The following ZFP1 variants were observed in gnomAD, a reference collection of about 807,000 sequenced individuals.
ZFP1 encodes ZFP1 zinc finger protein.
Under a neutral mutation model 38.5 loss-of-function variants are expected in ZFP1, and 32 were observed. The observed-to-expected ratio is 0.83, with a 90% confidence interval of 0.63 to 1.12. ZFP1 has a LOEUF of 1.12. ZFP1 is among the 50% of genes most tolerant of loss of function. The pLI is 0.00. For missense variants in ZFP1, 616 were observed against 480.8 expected, an observed-to-expected ratio of 1.28 and a Z score of -2.63; for synonymous variants, 245 against 168.8, an observed-to-expected ratio of 1.45 and a Z score of -3.50.
intron 2 of ZFP1, among the ~76,000 whole-genome samples, chr16:75,162,484 C>T (rs943144535): frequency 2.1e-4 from 32 of 152,066 alleles, no homozygotes; most frequent in African/African-American, 7.2e-4. Flanking sequence ...AACATTTTGA[C>T]GTTTCCATGT....
At chr16:75,123,455 G>GTATGTGTA in the ZFP1 span, among the ~76,000 whole-genome samples, 2 of 87,290 alleles carry the variant, frequency 2.3e-5, no homozygotes, top group Non-Finnish European at 4.3e-5. Context: ...GTGTGTATAT[G>GTATGTGTA]TATATATATA....
At position 75,169,505 on chromosome 16, in the gene ZFP1, A is replaced by G; in HGVS notation, c.395A>G (p.Asp132Gly). Reference protein sequence around the residue: ...SNRSYAGKQTDECNEFGKALL... With the variant: ...SNRSYAGKQTGECNEFGKALL... ...AGAAGCTATGCAGGAAAGCAGACTG[A>G]TGAGTGTAATGAATTTGGAAAAGCA... The change falls in exon 4 of 4, where the codon GAT (aspartate) becomes GGT (glycine). Residue 132 changes from aspartate to glycine, a missense_variant. Transcript: ENST00000570010. The G allele has an allele frequency of 6.2e-7, 1 of 1,613,260 alleles. No individual in the cohort carries two copies. The highest frequency in any genetic ancestry group is 1.7e-4 in the Middle Eastern group (1 of 6,054).
chr16:75,152,921 A>G lies in ZFP1; in HGVS notation c.-31A>G, dbSNP rs907020869. ...TCCTCTATTCCAGTTCTGCCTTCAT[A>G]GTTCTCTGCCTTTGCCCAAAACTGC... On this transcript the variant is annotated 5_prime_UTR_variant, in exon 2 of 4. The change creates a new upstream start codon in the 5' untranslated region. Coordinates refer to ENST00000570010, the MANE Select transcript of ZFP1 (RefSeq NM_153688.4). 7 of 1,613,264 alleles carry G rather than the reference A, an allele frequency of 4.3e-6. No individual in the cohort carries two copies. The African/African-American group carries it at 6.7e-5, about 15-fold the overall frequency.
the ZFP1 span, among the ~76,000 whole-genome samples, chr16:75,134,478 T>C: frequency 1.3e-5 from 2 of 151,662 alleles, no homozygotes; most frequent in African/African-American, 2.4e-5. Context: ...AGGCCTGGGC[T>C]GGGCGCGGTG....
At chr16:75,129,120 G>C in the ZFP1 span, among the ~76,000 whole-genome samples, 1 of 152,134 alleles carries the variant, frequency 6.6e-6, no homozygotes, top group African/African-American at 2.4e-5. Flanking sequence ...ACTGATGTAT[G>C]GACTTCGGAG....
chr16:75,168,095 G>T (rs1272141444), intron 3 of ZFP1, among the ~76,000 whole-genome samples: 2 of 152,002 alleles, frequency 1.3e-5, no homozygotes, highest in Non-Finnish European at 2.9e-5. Context: ...GACTTCAAGT[G>T]ATCCTCCTGC....
At chr16:75,132,102 G>C in the ZFP1 span, among the ~76,000 whole-genome samples, 1 of 152,020 alleles carries the variant, frequency 6.6e-6, no homozygotes, top group Non-Finnish European at 1.5e-5. Context: ...AAAGAAACTG[G>C]GTAAGCCAGG....
chr16:75,168,548 A>G (rs1465060510), intron 3 of ZFP1, among the ~76,000 whole-genome samples: 1 of 1,008 alleles, frequency 9.9e-4, no homozygotes, highest in Admixed American at 0.012. Context: ...ACTTCAGTAG[A>G]AAAAAAAAAG....
At chr16:75,137,810 GGAGCATCA>G in the ZFP1 span, among the ~76,000 whole-genome samples, 1 of 151,928 alleles carries the variant, frequency 6.6e-6, no homozygotes, top group Non-Finnish European at 1.5e-5. Flanking sequence ...GGCTTAGGCA[GGAGCATCA>G]CTTGAGCCCA....
At position 75,152,995 on chromosome 16, in the gene ZFP1, C is replaced by CT. The variant is rs373362458; in HGVS notation, c.15+33dup. ...AGTTGTTTGTTTATTCCCCATTTTG[C>CT]TTTTCAGTGCATTTAAGGAAGTTTA... On this transcript the variant is annotated intron_variant, in intron 2 of 3. Coordinates refer to ENST00000570010, the MANE Select transcript of ZFP1 (RefSeq NM_153688.4). 1,358 of 1,612,744 alleles carry CT rather than the reference C, an allele frequency of 8.4e-4. 10 individuals are homozygous for CT. The African/African-American group carries it at 0.017, about 20-fold the overall frequency.
chr16:75,127,970 T>C, the ZFP1 span: 56 of 152,384 alleles, frequency 3.7e-4, no homozygotes, highest in Admixed American at 1.2e-3. Flanking sequence ...TCCTAACTTA[T>C]GACAATACAG....
At chr16:75,150,965 C>A (rs992128872) in intron 1 of ZFP1, among the ~76,000 whole-genome samples, 1 of 152,130 alleles carries the variant, frequency 6.6e-6, no homozygotes, top group African/African-American at 2.4e-5. Flanking sequence ...CGCCCTAATC[C>A]TTTTGCCTCA....
At chr16:75,128,176 C>T in the ZFP1 span, among the ~76,000 whole-genome samples, 2 of 152,204 alleles carry the variant, frequency 1.3e-5, no homozygotes, top group Non-Finnish European at 2.9e-5. Flanking sequence ...GTAAAGGGTT[C>T]CTGACCTGTG....
the ZFP1 span, among the ~76,000 whole-genome samples, chr16:75,138,809 G>A: frequency 2.6e-5 from 4 of 152,298 alleles, no homozygotes; most frequent in East Asian, 1.9e-4. Flanking sequence ...GGACCTTGCC[G>A]ACACCTTGCC....
At chr16:75,165,431 G>C (rs1408718630) in intron 2 of ZFP1, among the ~76,000 whole-genome samples, 1 of 152,014 alleles carries the variant, frequency 6.6e-6, no homozygotes, top group Non-Finnish European at 1.5e-5. Context: ...GTCTTGCTCT[G>C]TCACCCAGGC....
At chr16:75,130,588 T>C in the ZFP1 span, among the ~76,000 whole-genome samples, 15 of 152,306 alleles carry the variant, frequency 9.8e-5, no homozygotes, top group East Asian at 2.7e-3. Flanking sequence ...GGGAAGCTGA[T>C]CATCCGTTTC....
At chr16:75,119,323 G>A in the ZFP1 span, among the ~76,000 whole-genome samples, 1 of 152,094 alleles carries the variant, frequency 6.6e-6, no homozygotes, top group African/African-American at 2.4e-5. Context: ...CTGAGGCCCG[G>A]AAGCACACCC....
chr16:75,169,216 T>G, intron 3 of ZFP1, 37 bp from the exon 4 acceptor site: 3 of 1,559,670 alleles, frequency 1.9e-6, no homozygotes, highest in South Asian at 1.2e-5. Context: ...AGCGGAGGCA[T>G]TGACAAGGTT....
chr16:75,121,874 G>A, the ZFP1 span, among the ~76,000 whole-genome samples: 4 of 152,280 alleles, frequency 2.6e-5, no homozygotes, highest in East Asian at 5.8e-4. Context: ...TATTAGAAAT[G>A]TCTGAAGAAT....
Sources: allele counts gnomAD v4.1 joint callset (sites outside exome capture counted in the v4.1 genomes callset), GRCh38; gene constraint gnomAD v4.1.1; transcripts MANE v1.5; gene names NCBI Gene and HGNC (gene_info 2026-07-23, HGNC 2026-07-21).